The following NHSL2 variants were observed in gnomAD, a reference collection of about 807,000 sequenced individuals.
NHSL2 encodes NHS like 2, also known as NHS-like protein 2.
NHSL2 carries 27 observed loss-of-function variants against 53.4 expected under a neutral mutation model. The observed-to-expected ratio is 0.51, with a 90% CI of 0.37 to 0.70. The LOEUF (loss-of-function observed/expected upper bound fraction) is 0.70, where lower values mean the gene tolerates loss of function less well. Ranked by LOEUF, NHSL2 falls within the 30% of genes least tolerant of loss-of-function variation. The pLI is 0.00. For missense variants in NHSL2, 892 were observed against 980.1 expected, an observed-to-expected ratio of 0.91 and a Z score of 1.20; for synonymous variants, 408 against 404.1, an observed-to-expected ratio of 1.01 and a Z score of -0.12.
chrX:71,931,240 G>C (rs144066316), intron 1 of NHSL2, among the ~76,000 whole-genome samples: 3 of 112,239 alleles, frequency 2.7e-5, no homozygotes, highest in African/African-American at 9.7e-5. Context: ...TGGAATTATA[G>C]TTCTTTATGT....
Position 71,924,811 on chromosome X carries a change from A to G in NHSL2, c.280+13444A>G, listed in dbSNP as rs182972420. Among the ~76,000 whole-genome samples the G allele has an allele frequency of 1.4e-4, 16 of 112,665 alleles. No homozygotes were observed. The East Asian group carries it at 4.5e-3, about 31-fold the overall frequency. ...GCTAATTTTGCCCAATGTAAGCCCAATTCCAGTATTTGCTAATGGAGGTAA... is the reference window on the plus strand; with the variant it reads ...GCTAATTTTGCCCAATGTAAGCCCAGTTCCAGTATTTGCTAATGGAGGTAA... On this transcript the variant is annotated intron_variant, in intron 1 of 7. Coordinates refer to ENST00000633930, the MANE Select transcript of NHSL2 (RefSeq NM_001013627.3).
At chrX:72,005,586 G>A (rs2042090945) in intron 1 of NHSL2, among the ~76,000 whole-genome samples, 1 of 112,022 alleles carries the variant, frequency 8.9e-6, no homozygotes, top group Admixed American at 9.4e-5. Context: ...AGCCCTGGTT[G>A]AGGGCCACTG....
intron 1 of NHSL2, among the ~76,000 whole-genome samples, chrX:72,098,893 G>A (rs1272523960): frequency 9.0e-6 from 1 of 111,706 alleles, no homozygotes; most frequent in Admixed American, 9.5e-5. Context: ...GTGTGTCCTT[G>A]CAAACTTATT....
chrX:71,925,276 C>CT (rs1284774007), intron 1 of NHSL2, among the ~76,000 whole-genome samples: 1 of 111,495 alleles, frequency 9.0e-6, no homozygotes, highest in African/African-American at 3.3e-5. Context: ...TGCCTCTTGT[C>CT]TTAAGAGCTT....
chrX:71,914,948 G>T (rs913478621), intron 1 of NHSL2, among the ~76,000 whole-genome samples: 31 of 110,315 alleles, frequency 2.8e-4, no homozygotes, highest in African/African-American at 9.9e-4. Context: ...GTTTCATCCC[G>T]AGGCTCTTGG....
intron 1 of NHSL2, among the ~76,000 whole-genome samples, chrX:72,106,920 A>G (rs771512032): frequency 1.4e-4 from 15 of 103,692 alleles, no homozygotes; most frequent in Non-Finnish European, 2.0e-5. Flanking sequence ...CAACGAGAAC[A>G]CATGGACACA....
intron 1 of NHSL2, among the ~76,000 whole-genome samples, chrX:72,046,260 TC>T (rs1236908303): frequency 1.8e-5 from 2 of 111,764 alleles, no homozygotes; most frequent in Non-Finnish European, 3.8e-5. Flanking sequence ...CAACCTGTCT[TC>T]CCAGAAAAGT....
chrX:71,988,783 CGCGCAAGAAAGAA>C (rs2042014116), intron 1 of NHSL2, among the ~76,000 whole-genome samples: 2 of 111,063 alleles, frequency 1.8e-5, no homozygotes, highest in Admixed American at 1.9e-4. Flanking sequence ...TCTTGGATCT[CGCGCAAGAAAGAA>C]TTTGGGGTGA....
At chrX:72,132,007 G>A (rs1478340672) in intron 1 of NHSL2, 72 bp from the exon 2 acceptor site, 6 of 1,077,133 alleles carry the variant, frequency 5.6e-6, no homozygotes, top group African/African-American at 5.6e-5. Context: ...GGAACCGCGG[G>A]CGCCCACTGG....
At chrX:72,060,137 TC>T (rs1433139363) in intron 1 of NHSL2, among the ~76,000 whole-genome samples, 7 of 112,226 alleles carry the variant, frequency 6.2e-5, no homozygotes, top group African/African-American at 1.9e-4. Context: ...TTGAAGTCCA[TC>T]TAGCTGTGTG....
intron 1 of NHSL2, chrX:72,131,439 G>A: frequency 8.3e-7 from 1 of 1,210,999 alleles, no homozygotes; most frequent in Non-Finnish European, 1.1e-6. Context: ...TCCCGAGCTG[G>A]AGGCCCAAAT....
chrX:71,951,767 G>T (rs1035885557), intron 1 of NHSL2, among the ~76,000 whole-genome samples: 5 of 112,225 alleles, frequency 4.5e-5, no homozygotes, highest in Non-Finnish European at 9.4e-5. Flanking sequence ...ATGCTTTGTT[G>T]TGCAGTTACC....
chrX:72,108,990 G>A (rs912106681), intron 1 of NHSL2, among the ~76,000 whole-genome samples: 31 of 111,358 alleles, frequency 2.8e-4, no homozygotes, highest in African/African-American at 9.5e-4. Context: ...ACATACACTG[G>A]CTCCTTTCAG....
chrX:72,054,539 GTTAC>G (rs974716173), intron 1 of NHSL2, among the ~76,000 whole-genome samples: 1 of 111,911 alleles, frequency 8.9e-6, no homozygotes, highest in Non-Finnish European at 1.9e-5. Context: ...TAAAGAGTTT[GTTAC>G]TTAAAGCTCT....
chrX:72,089,160 C>T (rs1351157037), intron 1 of NHSL2, among the ~76,000 whole-genome samples: 1 of 110,787 alleles, frequency 9.0e-6, no homozygotes, highest in Non-Finnish European at 1.9e-5. Context: ...AAGAAGCCTC[C>T]CTACCCCTCA....
At chrX:72,130,705 C>G in intron 1 of NHSL2, 1 of 1,211,871 alleles carries the variant, frequency 8.3e-7, no homozygotes, top group Non-Finnish European at 1.1e-6. Context: ...TTCCGACAGG[C>G]CTTTGAGGAA....
In NHSL2 at chrX:72,143,658, G is replaced by A. The variant is rs1295827010; in HGVS notation, c.*84G>A. 1 of 582,879 alleles carries A rather than the reference G, an allele frequency of 1.7e-6. No individual in the cohort carries two copies. Among genetic ancestry groups the A allele is most frequent in the East Asian group, 3.7e-5 (1 of 27,354 alleles). The allele number at this position is 582,879 out of a possible 1,213,427, so 48.0% of individuals were successfully genotyped here. A position where few individuals can be genotyped will look rare whatever the true frequency, so the allele number is the denominator to read the frequency against. ...AAAGGGTCTTTAAACAGAACCATGG[G>A]AACAACAGAGCCTACATTTCTTTTA... On this transcript the variant is annotated 3_prime_UTR_variant, in exon 8 of 8. Transcript: ENST00000633930.
At chrX:71,988,875 G>A (rs56838238) in intron 1 of NHSL2, among the ~76,000 whole-genome samples, 3,805 of 111,798 alleles carry the variant, frequency 0.034, 152 homozygotes, top group African/African-American at 0.12. Context: ...TACTCCATAG[G>A]CAGAGCAGTC....
intron 1 of NHSL2, among the ~76,000 whole-genome samples, chrX:72,109,316 A>G (rs899143800): frequency 1.4e-4 from 16 of 112,051 alleles, no homozygotes; most frequent in Non-Finnish European, 2.6e-4. Context: ...TGTTATTCCC[A>G]TTTTATAGAT....
Sources: allele counts gnomAD v4.1 joint callset (sites outside exome capture counted in the v4.1 genomes callset), GRCh38; gene constraint gnomAD v4.1.1; transcripts MANE v1.5; gene names NCBI Gene and HGNC (gene_info 2026-07-23, HGNC 2026-07-21).